ZW10: variants seen among roughly 807,000 people sequenced by gnomAD.
ZW10 encodes the protein centromere/kinetochore protein zw10 homolog.
Under a neutral mutation model 87.8 loss-of-function variants are expected in ZW10, and 53 were observed. The ratio of observed to expected loss-of-function variants is 0.60; its 90% CI spans 0.48 to 0.76. The LOEUF is 0.76. ZW10 is among the 30% of genes least tolerant of loss of function. The pLI, the probability that ZW10 is intolerant of heterozygous loss-of-function variation, is 0.00. For missense variants in ZW10, 837 were observed against 923.0 expected, an observed-to-expected ratio of 0.91 and a Z score of 1.21; for synonymous variants, 312 against 329.2, an observed-to-expected ratio of 0.95 and a Z score of 0.57.
In ZW10 at chr11:113,738,297, C is replaced by T. The variant is rs780943712; in HGVS notation, c.1851G>A (p.Glu617=). ...ARNFSNMDDE[E]NYSAASKAVR... is the part of the protein sequence containing the mutation. ...CTGCTTTACTTGCTGCAGAATAATTCTCTTCATCGTCCATATTTGAAAAGT... is the reference window on the plus strand; with the variant it reads ...CTGCTTTACTTGCTGCAGAATAATTTTCTTCATCGTCCATATTTGAAAAGT... The change falls in exon 13 of 16, where the codon GAG becomes GAA. Residue 617 remains glutamate, a synonymous_variant. Coordinates refer to ENST00000200135, the MANE Select transcript of ZW10 (RefSeq NM_004724.4). 1 of 1,612,860 alleles carries T rather than the reference C, an allele frequency of 6.2e-7. No individual in the cohort carries two copies. The highest frequency in any genetic ancestry group is 8.5e-7 in the Non-Finnish European group (1 of 1,179,498).
chr11:113,738,430 C>G, intron 12 of ZW10, 36 bp from the exon 13 acceptor site: 2 of 1,602,524 alleles, frequency 1.2e-6, no homozygotes, highest in South Asian at 1.1e-5. Flanking sequence ...ATTTTAAAAG[C>G]TGCTCAATTA....
intron 3 of ZW10, 108 bp downstream of exon 3, chr11:113,760,709 G>GA (rs5794880): frequency 8.8e-4 from 792 of 896,454 alleles, no homozygotes; most frequent in South Asian, 1.1e-3. Flanking sequence ...AAAAAAGAAA[G>GA]AAAAAAAAAT....
chr11:113,758,135 T>C (rs1035460133), intron 6 of ZW10, among the ~76,000 whole-genome samples: 2 of 151,806 alleles, frequency 1.3e-5, no homozygotes, highest in Non-Finnish European at 2.9e-5. Flanking sequence ...ATCATGCCAT[T>C]GCACTCCAGC....
At chr11:113,766,826 G>A (rs1298484241) in intron 2 of ZW10, among the ~76,000 whole-genome samples, 1 of 150,920 alleles carries the variant, frequency 6.6e-6, no homozygotes, top group Admixed American at 6.6e-5. Context: ...AGACTAGTCT[G>A]GCCAACATGG....
intron 5 of ZW10, 27 bp downstream of exon 5, chr11:113,760,182 A>G: frequency 6.2e-7 from 1 of 1,607,186 alleles, no homozygotes; most frequent in Non-Finnish European, 8.5e-7. Flanking sequence ...AGATGAAGCA[A>G]AGCAGTCCAC....
At chr11:113,737,145 A>G (rs1953563208) in intron 14 of ZW10, among the ~76,000 whole-genome samples, 1 of 152,242 alleles carries the variant, frequency 6.6e-6, no homozygotes, top group Admixed American at 6.5e-5. Flanking sequence ...TATGATTTAG[A>G]GGCATCAGCT....
chr11:113,734,856 G>C (rs1251877117), intron 15 of ZW10, among the ~76,000 whole-genome samples: 3 of 151,328 alleles, frequency 2.0e-5, no homozygotes, highest in Non-Finnish European at 4.4e-5. Flanking sequence ...TTGAACAAAA[G>C]AAGCAAGTTA....
At chr11:113,757,603 A>T in intron 7 of ZW10, 59 bp downstream of exon 7, 1 of 1,204,270 alleles carries the variant, frequency 8.3e-7, no homozygotes, top group Non-Finnish European at 1.1e-6. Flanking sequence ...AATAATATTT[A>T]CTTTTATAAA....
chr11:113,762,317 ATGTAAGTT>A (rs1366465215), intron 2 of ZW10, among the ~76,000 whole-genome samples: 1 of 152,206 alleles, frequency 6.6e-6, no homozygotes, highest in Non-Finnish European at 1.5e-5. Context: ...CTTACCATGA[ATGTAAGTT>A]GCAGGACTAG....
In ZW10 at chr11:113,737,657, A is replaced by C. The variant is rs1243496239; in HGVS notation, c.1931T>G (p.Leu644Arg). ...KRLGIVWQDV[L>R]PVNIYCKAMG... ...AGCCTTGCAATATATATTCACTGGC[A>C]GGACATCCTGCCACACAATTCCAAG... The change falls in exon 14 of 16, where the codon CTG (leucine) becomes CGG (arginine). Residue 644 changes from leucine to arginine, a missense_variant. Coordinates refer to ENST00000200135, the MANE Select transcript of ZW10 (RefSeq NM_004724.4). 1.2e-6 allele frequency: 2 copies of C among 1,613,660 alleles called. No individual in the cohort carries two copies. Among genetic ancestry groups the C allele is most frequent in the East Asian group, 2.2e-5 (1 of 44,872 alleles).
chr11:113,743,771 T>C, intron 10 of ZW10, 31 bp downstream of exon 10: 5 of 1,556,504 alleles, frequency 3.2e-6, no homozygotes, highest in Non-Finnish European at 3.5e-6. Flanking sequence ...AACCAAGTCA[T>C]TGCCATTTTC....
At chr11:113,735,599 C>T (rs1190179342) in intron 15 of ZW10, among the ~76,000 whole-genome samples, 1 of 151,832 alleles carries the variant, frequency 6.6e-6, no homozygotes, top group Non-Finnish European at 1.5e-5. Flanking sequence ...TGGAGATGAC[C>T]TTAAGGCCTC....
In ZW10 at chr11:113,773,554, GCTCT is replaced by G. The variant is rs1565290877; in HGVS notation, c.105+4_105+7del. ...CTTCCAGTCAGCAGACAGCTGCCCC[GCTCT>G]CACCTTGATCTCCTCCACCCGCCGG... On this transcript the variant is annotated splice_donor_5th_base_variant and intron_variant, in intron 1 of 15. Transcript: ENST00000200135. The G allele has an allele frequency of 6.2e-7, 1 of 1,610,272 alleles. No homozygotes were observed. Among genetic ancestry groups the G allele is most frequent in the East Asian group, 2.2e-5 (1 of 44,804 alleles).
chr11:113,751,288 T>A, intron 7 of ZW10: 1 of 277,780 alleles, frequency 3.6e-6, no homozygotes, highest in Non-Finnish European at 7.7e-6. Flanking sequence ...GTGACCTATC[T>A]TGCTCTCAGA....
At chr11:113,739,441 G>C in intron 11 of ZW10, 59 bp from the exon 12 acceptor site, 1 of 1,472,358 alleles carries the variant, frequency 6.8e-7, no homozygotes, top group Non-Finnish European at 9.2e-7. Flanking sequence ...AGCTGGGGTT[G>C]ATGAAAGTCA....
Position 113,733,554 on chromosome 11 carries a change from A to G in ZW10, c.*140T>C, listed in dbSNP as rs1052909148. ...AGCCTCGTACAGGCCAGGAGGTAAG[A>G]CGTTCTTCTGTAAAGTCAAACTTCC... is the stretch of plus-strand genomic sequence containing the variant. On this transcript the variant is annotated 3_prime_UTR_variant, in exon 16 of 16. Coordinates refer to ENST00000200135, the MANE Select transcript of ZW10 (RefSeq NM_004724.4). 3.1e-5 allele frequency: 34 copies of G among 1,105,512 alleles called. No homozygotes were observed. The African/African-American group carries it at 5.3e-4, about 17-fold the overall frequency. The allele number at this position is 1,105,512 out of a possible 1,614,324, so 68.5% of individuals were successfully genotyped here. A position where few individuals can be genotyped will look rare whatever the true frequency, so the allele number is the denominator to read the frequency against.
At chr11:113,737,204 T>A (rs778533155) in intron 14 of ZW10, among the ~76,000 whole-genome samples, 6 of 152,176 alleles carry the variant, frequency 3.9e-5, no homozygotes, top group Admixed American at 1.3e-4. Context: ...AAATTTAAAC[T>A]GCAACAGTGT....
chr11:113,754,180 C>A (rs1265783867), intron 7 of ZW10, among the ~76,000 whole-genome samples: 1 of 152,136 alleles, frequency 6.6e-6, no homozygotes, highest in Non-Finnish European at 1.5e-5. Flanking sequence ...TGTTCATCAA[C>A]CGTTCCAAAA....
At chr11:113,766,462 A>G (rs1429275633) in intron 2 of ZW10, among the ~76,000 whole-genome samples, 2 of 149,274 alleles carry the variant, frequency 1.3e-5, no homozygotes, top group Non-Finnish European at 3.0e-5. Context: ...CGAGGTCAGG[A>G]GATCGAGACC....
Sources: allele counts gnomAD v4.1 joint callset (sites outside exome capture counted in the v4.1 genomes callset), GRCh38; gene constraint gnomAD v4.1.1; transcripts MANE v1.5; gene names NCBI Gene and HGNC (gene_info 2026-07-23, HGNC 2026-07-21).